The following ADAMTSL1 variants were observed in gnomAD, a reference collection of about 807,000 sequenced individuals.
ADAMTSL1 encodes the protein ADAMTS-like protein 1.
Under a neutral mutation model 201.8 loss-of-function variants are expected in ADAMTSL1, and 126 were observed. That is an observed-to-expected ratio of 0.62 (90% confidence interval 0.54 to 0.72). The LOEUF (loss-of-function observed/expected upper bound fraction) is 0.72. ADAMTSL1 is among the 30% of genes least tolerant of loss of function. The pLI is 0.00. For missense variants in ADAMTSL1, 2,679 were observed against 2,277.8 expected, an observed-to-expected ratio of 1.18 and a Z score of -3.59; for synonymous variants, 1,121 against 903.4, an observed-to-expected ratio of 1.24 and a Z score of -4.32.
intron 3 of ADAMTSL1, among the ~76,000 whole-genome samples, chr9:18,560,887 C>T (rs1821444361): frequency 6.7e-6 from 1 of 150,228 alleles, no homozygotes; most frequent in Non-Finnish European, 1.5e-5. Context: ...CTATTTGATT[C>T]TTCTCTCTTT....
At chr9:18,175,292 G>A (rs555825739) in intron 2 of ADAMTSL1, among the ~76,000 whole-genome samples, 1 of 152,284 alleles carries the variant, frequency 6.6e-6, no homozygotes, top group East Asian at 1.9e-4. Flanking sequence ...TAAATTCTTA[G>A]AGTTCTTCCT....
At chr9:18,391,160 A>G (rs1563929985) in intron 2 of ADAMTSL1, among the ~76,000 whole-genome samples, 1 of 152,102 alleles carries the variant, frequency 6.6e-6, no homozygotes, top group African/African-American at 2.4e-5. Context: ...ATTTTGTTGG[A>G]CCTAAAACAC....
At position 18,046,104 on chromosome 9, in the gene ADAMTSL1, A is replaced by C. The variant is rs533879429; in HGVS notation, c.88-117758A>C. Among the ~76,000 whole-genome samples, 6 of 152,318 alleles carry C rather than the reference A, an allele frequency of 3.9e-5. No individual in the cohort carries two copies. In the East Asian group the frequency reaches 5.8e-4, roughly 15 times the overall value. On this transcript the variant is annotated intron_variant, in intron 1 of 29. Coordinates refer to the ADAMTSL1 transcript ENST00000680146. ...TTCTAATCTGTGAAAGCAAAACCAC[A>C]GTGGGATTTTAAGGGAATGGCAAGT...
intron 1 of ADAMTSL1, among the ~76,000 whole-genome samples, chr9:18,146,001 C>T (rs1250420598): frequency 2.6e-5 from 4 of 152,088 alleles, no homozygotes; most frequent in Non-Finnish European, 5.9e-5. Flanking sequence ...CATAATCTAT[C>T]ACTAGGAAAA....
intron 16 of ADAMTSL1, among the ~76,000 whole-genome samples, chr9:18,763,006 C>T (rs1229898890): frequency 6.6e-6 from 1 of 152,146 alleles, no homozygotes; most frequent in Non-Finnish European, 1.5e-5. Context: ...GATTTCCTTT[C>T]TTTTGGGTAT....
At chr9:18,601,427 T>G (rs1824648311) in intron 4 of ADAMTSL1, among the ~76,000 whole-genome samples, 1 of 152,184 alleles carries the variant, frequency 6.6e-6, no homozygotes, top group African/African-American at 2.4e-5. Flanking sequence ...AAAAATAACT[T>G]AGCTCTAATC....
chr9:18,532,003 A>C (rs970265868), intron 2 of ADAMTSL1, among the ~76,000 whole-genome samples: 2 of 152,208 alleles, frequency 1.3e-5, no homozygotes, highest in Admixed American at 6.5e-5. Flanking sequence ...GTTTTTGAGA[A>C]TATTAAATAA....
intron 23 of ADAMTSL1, among the ~76,000 whole-genome samples, chr9:18,886,166 G>GTGTGTA (rs1554657845): frequency 7.5e-4 from 28 of 37,124 alleles, no homozygotes; most frequent in African/African-American, 2.8e-3. Context: ...GTGTGTATGT[G>GTGTGTA]TATATATATA....
intron 2 of ADAMTSL1, among the ~76,000 whole-genome samples, chr9:18,168,069 A>G (rs1200973164): frequency 6.6e-6 from 1 of 152,010 alleles, no homozygotes; most frequent in Non-Finnish European, 1.5e-5. Flanking sequence ...ATTGCCTGTA[A>G]CTTCATAAAG....
At chr9:18,103,996 C>A (rs944330508) in intron 1 of ADAMTSL1, among the ~76,000 whole-genome samples, 4 of 152,118 alleles carry the variant, frequency 2.6e-5, no homozygotes, top group African/African-American at 9.7e-5. Context: ...CATTTTATAA[C>A]CCAGAGATTC....
intron 8 of ADAMTSL1, among the ~76,000 whole-genome samples, chr9:18,659,107 C>G (rs1027439695): frequency 5.3e-5 from 8 of 152,184 alleles, no homozygotes; most frequent in African/African-American, 1.4e-4. Flanking sequence ...AATTCTAGCT[C>G]TAGTTTCATA....
chr9:18,039,040 A>G (rs1230560483), intron 1 of ADAMTSL1, among the ~76,000 whole-genome samples: 1 of 152,232 alleles, frequency 6.6e-6, no homozygotes, highest in African/African-American at 2.4e-5. Flanking sequence ...CCAGATATAT[A>G]TGAAACGAAA....
At chr9:18,886,166 G>GTATATATATA (rs751978972) in intron 23 of ADAMTSL1, among the ~76,000 whole-genome samples, 2 of 37,140 alleles carry the variant, frequency 5.4e-5, no homozygotes, top group Non-Finnish European at 9.7e-5. Flanking sequence ...GTGTGTATGT[G>GTATATATATA]TATATATATA....
At chr9:18,234,767 G>A (rs1453951885) in intron 2 of ADAMTSL1, among the ~76,000 whole-genome samples, 2 of 152,158 alleles carry the variant, frequency 1.3e-5, no homozygotes, top group African/African-American at 4.8e-5. Context: ...TGCCTCCTAT[G>A]GATGTTTCAG....
rs891973214 is a variant in ADAMTSL1, at chr9:18,892,370, C to T, written c.4644-19C>T. 7 of 1,604,794 alleles carry T rather than the reference C, an allele frequency of 4.4e-6. No homozygotes were observed. The highest frequency in any genetic ancestry group is 6.0e-6 in the Non-Finnish European group (7 of 1,176,206). On this transcript the variant is annotated intron_variant, in intron 25 of 28. Coordinates refer to ENST00000380548, the MANE Select transcript of ADAMTSL1 (RefSeq NM_001040272.6). ...GCCTGTCCCTTTAGGGCTCTCCTGA[C>T]ACTTCTTCCTCTCCCCAGGTGGATG...
chr9:17,967,367 T>C (rs1280218019), intron 1 of ADAMTSL1, among the ~76,000 whole-genome samples: 2 of 152,152 alleles, frequency 1.3e-5, no homozygotes. Flanking sequence ...CAATTTGCCA[T>C]GATTACTATT....
chr9:18,017,179 C>G (rs1228135987), intron 1 of ADAMTSL1, among the ~76,000 whole-genome samples: 1 of 151,908 alleles, frequency 6.6e-6, no homozygotes, highest in Non-Finnish European at 1.5e-5. Flanking sequence ...ATATTCATGC[C>G]CAATATCTTG....
chr9:18,235,284 A>C (rs1830803883), intron 2 of ADAMTSL1, among the ~76,000 whole-genome samples: 1 of 152,186 alleles, frequency 6.6e-6, no homozygotes, highest in Admixed American at 6.5e-5. Context: ...TGTTTTCATC[A>C]TGACTAGGTT....
intron 2 of ADAMTSL1, among the ~76,000 whole-genome samples, chr9:18,468,278 C>A (rs2131736292): frequency 6.6e-6 from 1 of 152,216 alleles, no homozygotes; most frequent in East Asian, 1.9e-4. Flanking sequence ...ACAAGTCTAT[C>A]CTCCCGGTTC....
Sources: gnomAD v4.1 joint callset for allele counts (sites outside exome capture counted in the v4.1 genomes callset) on GRCh38, gnomAD v4.1.1 for gene constraint, MANE v1.5 for transcripts, NCBI Gene and HGNC (gene_info 2026-07-23, HGNC 2026-07-21) for gene names.